The following KPNB1 variants were observed in gnomAD, a reference collection of about 807,000 sequenced individuals.
KPNB1 encodes the protein importin subunit beta-1.
A neutral mutation model predicts 113.0 loss-of-function variants in KPNB1; 7 were observed. The observed-to-expected ratio is 0.06, with a 90% CI of 0.04 to 0.12. The LOEUF is 0.12. Among genes scored for constraint, KPNB1 ranks in the 10% least tolerant of loss-of-function variants. The probability of loss-of-function intolerance (pLI) is 1.00; values close to 1 mark genes in which losing one functional copy is unlikely to be tolerated. For missense variants in KPNB1, 400 were observed against 1,054.8 expected (o/e 0.38, Z 8.60); for synonymous variants, 363 against 378.6 (o/e 0.96, Z 0.48).
chr17:47,658,686 G>A, intron 5 of KPNB1, 26 bp downstream of exon 5: 2 of 1,592,642 alleles, frequency 1.3e-6, no homozygotes, highest in East Asian at 2.2e-5. Context: ...ATAAGGTATA[G>A]ATTCAGACAG....
At chr17:47,676,687 C>G (rs550100990) in intron 16 of KPNB1, among the ~76,000 whole-genome samples, 196 bp downstream of exon 16, 2 of 151,764 alleles carry the variant, frequency 1.3e-5, no homozygotes, top group African/African-American at 4.8e-5. Flanking sequence ...TACCAGATAA[C>G]GGTGGACAAG....
At chr17:47,672,526 G>A (rs1439189032) in intron 12 of KPNB1, among the ~76,000 whole-genome samples, 7 of 151,238 alleles carry the variant, frequency 4.6e-5, no homozygotes, top group Non-Finnish European at 7.4e-5. Context: ...GAGTAGCTAG[G>A]ATTACAGGCA....
chr17:47,658,558 C>T lies in KPNB1; in HGVS notation c.534C>T (p.Ile178=). ...CCAATGAGATTCTGACTGCCATAAT[C>T]CAGGGGATGAGGAAAGAAGAGCCTA... ...DKSNEILTAI[I]QGMRKEEPSN... is the part of the protein sequence containing the mutation. Residue 178 remains isoleucine, a synonymous_variant, in exon 5 of 22, where the codon ATC becomes ATT. Transcript: ENST00000290158. The T allele has an allele frequency of 3.1e-6, 5 of 1,613,832 alleles. No homozygotes were observed. The highest frequency in any genetic ancestry group is 1.1e-5 in the South Asian group (1 of 91,074).
At chr17:47,673,403 T>C in intron 13 of KPNB1, 87 bp from the exon 14 acceptor site, 1 of 1,157,256 alleles carries the variant, frequency 8.6e-7, no homozygotes, top group Non-Finnish European at 1.3e-6. Flanking sequence ...TTTACTTTCC[T>C]ATGTTAGTAT....
At chr17:47,666,419 T>C (rs954635850) in intron 9 of KPNB1, among the ~76,000 whole-genome samples, 12 of 145,664 alleles carry the variant, frequency 8.2e-5, no homozygotes, top group African/African-American at 2.8e-4. Context: ...TGTGTGTGTG[T>C]GTATTTTATA....
intron 12 of KPNB1, among the ~76,000 whole-genome samples, chr17:47,672,501 G>C (rs1387888167): frequency 2.0e-5 from 3 of 151,312 alleles, no homozygotes; most frequent in Non-Finnish European, 4.4e-5. Flanking sequence ...AGGAATTCTC[G>C]TGCCTCAGCC....
intron 2 of KPNB1, 142 bp downstream of exon 2, chr17:47,650,586 C>T (rs1567885810): frequency 4.0e-6 from 3 of 758,526 alleles, no homozygotes; most frequent in African/African-American, 1.7e-5. Flanking sequence ...CCCCCCCAAC[C>T]CGGTCCAACC....
At chr17:47,657,354 C>CT (rs916474774) in intron 4 of KPNB1, among the ~76,000 whole-genome samples, 2 of 152,182 alleles carry the variant, frequency 1.3e-5, no homozygotes, top group African/African-American at 4.8e-5. Context: ...CTGACCCAGT[C>CT]TTTTTTCTTA....
At position 47,678,654 on chromosome 17, in the gene KPNB1, C is replaced by G. The variant is rs543216921; in HGVS notation, c.2353+241C>G. The G allele has an allele frequency of 4.9e-5, 22 of 447,444 alleles. No homozygotes were observed. The East Asian group carries it at 9.4e-4, about 19-fold the overall frequency. 27.7% of individuals were successfully genotyped at this position (447,444 alleles called of 1,614,324 possible). ...ACGGAGTCTCACTCTGTTGCCCAGG[C>G]TGGAGTGCAGTCGTGCAATCTCGGC... On this transcript the variant is annotated intron_variant, in intron 19 of 21. Transcript: ENST00000290158.
rs1451155583 is a variant in KPNB1 at position 47,683,727 on chromosome 17, A to AAACAAAAACAAAAACAAAAAC, written c.*1325_*1326insCAAAAACAAAAACAAAAACAA. On this transcript the variant is annotated 3_prime_UTR_variant, in exon 22 of 22. Coordinates refer to ENST00000290158, the MANE Select transcript of KPNB1 (RefSeq NM_002265.6). Reference sequence around the variant, plus strand: ...AAAGCAACCAACAAAACAAAAACAAAAAAAAGTGTGTGTTGTGTGAATACA... The same window carrying AAACAAAAACAAAAACAAAAAC: ...AAAGCAACCAACAAAACAAAAACAAAAACAAAAACAAAAACAAAAACAAAAAGTGTGTGTTGTGTGAATACA... 4.9e-3 allele frequency: 5 copies of AAACAAAAACAAAAACAAAAAC among 1,028 alleles called. No individual in the cohort carries two copies. Among genetic ancestry groups the AAACAAAAACAAAAACAAAAAC allele is most frequent in the African/African-American group, 0.017 (2 of 120 alleles). 0.1% of individuals were successfully genotyped at this position (1,028 alleles called of 1,614,324 possible).
chr17:47,652,956 G>C (rs1915619527), intron 3 of KPNB1, 80 bp downstream of exon 3: 1 of 1,095,082 alleles, frequency 9.1e-7, no homozygotes, highest in Non-Finnish European at 1.3e-6. Flanking sequence ...ATTTGCATGG[G>C]ATAGAGCTAA....
intron 3 of KPNB1, among the ~76,000 whole-genome samples, chr17:47,656,070 A>G (rs1171170925): frequency 6.6e-6 from 1 of 152,090 alleles, no homozygotes; most frequent in Non-Finnish European, 1.5e-5. Flanking sequence ...CCTGGCCAAC[A>G]TGGTGAAACC....
At chr17:47,666,502 T>C (rs1449177731) in intron 9 of KPNB1, among the ~76,000 whole-genome samples, 1 of 140,802 alleles carries the variant, frequency 7.1e-6, no homozygotes, top group Non-Finnish European at 1.5e-5. Context: ...TTTTATATAA[T>C]GTTATATATT....
Position 47,661,173 on chromosome 17 carries a change from A to G in KPNB1, c.691A>G (p.Thr231Ala). ...CTGTGAAGCCACACAGTGTCCAGAT[A>G]CGAGGGTAAGTGTGAGGTTATATGA... ...VVCEATQCPD[T>A]RVRVAALQNL... The change falls in exon 6 of 22, where the codon ACG (threonine) becomes GCG (alanine). Residue 231 changes from threonine to alanine, a missense_variant. Around this residue, in one of 2 missense-constraint regions of KPNB1, gnomAD observed 285 missense variants for 627.0 expected, o/e 0.45. Transcript: ENST00000290158. The G allele has an allele frequency of 6.2e-7, 1 of 1,611,806 alleles. No homozygotes were observed. The highest frequency in any genetic ancestry group is 8.5e-7 in the Non-Finnish European group (1 of 1,177,840).
At chr17:47,668,142 A>T in intron 9 of KPNB1, 44 bp from the exon 10 acceptor site, 1 of 1,528,330 alleles carries the variant, frequency 6.5e-7, no homozygotes, top group East Asian at 2.3e-5. Context: ...AGTTAAAATG[A>T]TTCTTTGGAC....
Position 47,670,748 on chromosome 17 carries a change from C to T in KPNB1, c.1463C>T (p.Ala488Val). Reference protein sequence around the residue: ...AEAAYEAADVADDQEEPATYC... With the variant: ...AEAAYEAADVVDDQEEPATYC... ...GCTGCTTATGAAGCTGCAGACGTTG[C>T]TGATGATCAGGAAGAACCAGCTACT... Residue 488 changes from alanine to valine, a missense_variant, in exon 12 of 22, where the codon GCT becomes GTT. Physicochemically the swap from Ala to Val is moderately conservative, Grantham distance 64. Around this residue, in one of 2 missense-constraint regions of KPNB1, gnomAD observed 285 missense variants for 627.0 expected, o/e 0.45. Transcript: ENST00000290158. 1 of 1,613,374 alleles carries T rather than the reference C, an allele frequency of 6.2e-7. No homozygotes were observed. The highest frequency in any genetic ancestry group is 8.5e-7 in the Non-Finnish European group (1 of 1,179,318).
chr17:47,650,152 A>AGCCCCCCCCCCCC lies in KPNB1; in HGVS notation c.-93_-92insGCCCCCCCCCCCC. 3.6e-6 allele frequency: 1 copy of AGCCCCCCCCCCCC among 275,178 alleles called. No homozygotes were observed. Among genetic ancestry groups the AGCCCCCCCCCCCC allele is most frequent in the Non-Finnish European group, 4.4e-6 (1 of 229,714 alleles). The allele number at this position is 275,178 out of a possible 1,614,324, so 17.0% of individuals were successfully genotyped here. ...GCCCCCCACCCCACCCTCCCTTCCC[A>AGCCCCCCCCCCCC]CCCGACCCCCAACCCCCATCCCCAG... On this transcript the variant is annotated 5_prime_UTR_variant, in exon 1 of 22. Transcript: ENST00000290158.
chr17:47,680,004 T>A lies in KPNB1; in HGVS notation c.2354-16T>A. 2 of 1,575,466 alleles carry A rather than the reference T, an allele frequency of 1.3e-6. No individual in the cohort carries two copies. The highest frequency in any genetic ancestry group is 1.7e-6 in the Non-Finnish European group (2 of 1,144,874). On this transcript the variant is annotated splice_polypyrimidine_tract_variant and intron_variant, in intron 19 of 21. Transcript: ENST00000290158. ...GAGCCACCGCACCCGACCAATACCT[T>A]CTCTCTCTTTTATAGCGGATGTGAT...
chr17:47,677,551 G>A (rs2143173671), intron 17 of KPNB1, among the ~76,000 whole-genome samples: 1 of 152,188 alleles, frequency 6.6e-6, no homozygotes, highest in East Asian at 1.9e-4. Flanking sequence ...TTATAAAGAG[G>A]GGAGTTGTTC....
Sources: allele counts gnomAD v4.1 joint callset (sites outside exome capture counted in the v4.1 genomes callset), GRCh38; gene constraint gnomAD v4.1.1; regional missense constraint gnomAD v4.1.1; transcripts MANE v1.5; gene names NCBI Gene and HGNC (gene_info 2026-07-23, HGNC 2026-07-21).